OSBPL1A: variants seen among roughly 807,000 people sequenced by gnomAD.
OSBPL1A encodes oxysterol-binding protein-related protein 1.
In OSBPL1A, 80 loss-of-function variants were observed where a neutral mutation model predicts 137.1. The observed-to-expected ratio is 0.58, with a 90% CI of 0.49 to 0.70. The LOEUF is 0.70. Among genes scored for constraint, OSBPL1A ranks in the 30% least tolerant of loss-of-function variants. OSBPL1A has a pLI of 0.00. For missense variants in OSBPL1A, 970 were observed against 1,129.4 expected, an observed-to-expected ratio of 0.86 and a Z score of 2.02; for synonymous variants, 365 against 389.7, an observed-to-expected ratio of 0.94 and a Z score of 0.75.
chr18:24,267,524 G>T (rs2089608158), intron 15 of OSBPL1A, among the ~76,000 whole-genome samples: 1 of 151,934 alleles, frequency 6.6e-6, no homozygotes, highest in Admixed American at 6.6e-5. Context: ...TACTAAAATA[G>T]ATACTAAAAT....
intron 7 of OSBPL1A, among the ~76,000 whole-genome samples, chr18:24,319,999 ATTT>A (rs1435411096): frequency 9.9e-5 from 15 of 151,560 alleles, no homozygotes; most frequent in South Asian, 2.1e-4. Flanking sequence ...AAAAAAAAAA[ATTT>A]AATTAGCCAG....
chr18:24,184,975 A>G lies in OSBPL1A; in HGVS notation c.1678-3696T>C, dbSNP rs528088282. ...AAATGCTGAGTAAAAAAAATTGGTT[A>G]CTTTTGGAATATTATTCAGTGCTAA... On this transcript the variant is annotated intron_variant, in intron 18 of 27. Transcript: ENST00000319481. Among the ~76,000 whole-genome samples, 698 of 152,316 alleles carry G rather than the reference A, an allele frequency of 4.6e-3. 8 individuals are homozygous for G. The highest frequency in any genetic ancestry group is 0.016 in the African/African-American group (677 of 41,568).
chr18:24,272,246 TTC>T (rs2089742739), intron 15 of OSBPL1A: 17 of 982,334 alleles, frequency 1.7e-5, no homozygotes, highest in African/African-American at 3.5e-5. Flanking sequence ...CTTTTTTTTT[TTC>T]TTTTTTCTTT....
At chr18:24,196,952 G>A (rs1164483390) in intron 17 of OSBPL1A, among the ~76,000 whole-genome samples, 2 of 152,206 alleles carry the variant, frequency 1.3e-5, no homozygotes, top group African/African-American at 4.8e-5. Flanking sequence ...TGGTGGGCAG[G>A]GAGCCACCCC....
At chr18:24,211,620 C>T (rs532450971) in intron 17 of OSBPL1A, among the ~76,000 whole-genome samples, 1 of 151,836 alleles carries the variant, frequency 6.6e-6, no homozygotes, top group East Asian at 1.9e-4. Context: ...AAGGACTTTC[C>T]TTTTTCCCAG....
At chr18:24,392,530 A>C (rs754617285) in intron 1 of OSBPL1A, among the ~76,000 whole-genome samples, 1 of 152,234 alleles carries the variant, frequency 6.6e-6, no homozygotes, top group Non-Finnish European at 1.5e-5. Context: ...TAGTTTTTAA[A>C]TTCTCAGATA....
At chr18:24,226,349 G>C (rs2088076501) in intron 16 of OSBPL1A, among the ~76,000 whole-genome samples, 2 of 152,118 alleles carry the variant, frequency 1.3e-5, no homozygotes, top group African/African-American at 4.8e-5. Context: ...CTTGTTTAAT[G>C]TTTTATGTAT....
intron 14 of OSBPL1A, among the ~76,000 whole-genome samples, chr18:24,284,406 AT>A (rs2090028528): frequency 6.6e-6 from 1 of 152,090 alleles, no homozygotes; most frequent in African/African-American, 2.4e-5. Context: ...GAAAAAAGTT[AT>A]TTTTCGTACT....
At chr18:24,209,852 G>T (rs962779645) in intron 17 of OSBPL1A, among the ~76,000 whole-genome samples, 1 of 152,184 alleles carries the variant, frequency 6.6e-6, no homozygotes, top group Non-Finnish European at 1.5e-5. Context: ...CAGAGCAGTG[G>T]CTGTCTACGG....
At chr18:24,185,340 T>C (rs971231101) in intron 18 of OSBPL1A, among the ~76,000 whole-genome samples, 8 of 125,248 alleles carry the variant, frequency 6.4e-5, no homozygotes, top group African/African-American at 3.7e-4. Context: ...TTTTTTTTTT[T>C]TTTTTGAGAC....
At chr18:24,377,857 G>A (rs1333923862) in intron 1 of OSBPL1A, among the ~76,000 whole-genome samples, 1 of 152,146 alleles carries the variant, frequency 6.6e-6, no homozygotes, top group Admixed American at 6.5e-5. Context: ...CAAATACATA[G>A]TATTATGCAA....
chr18:24,371,907 A>T (rs2146199286), intron 2 of OSBPL1A, among the ~76,000 whole-genome samples: 1 of 152,128 alleles, frequency 6.6e-6, no homozygotes, highest in South Asian at 2.1e-4. Flanking sequence ...GGGTCCTCTC[A>T]TTTCTCTGGC....
chr18:24,397,568 C>G (rs1168855046), intron 1 of OSBPL1A, 87 bp downstream of exon 1: 1 of 152,294 alleles, frequency 6.6e-6, no homozygotes, highest in Non-Finnish European at 1.5e-5. Context: ...CAGGCGCGGA[C>G]AGACCTCCCG....
chr18:24,171,537 G>T, intron 22 of OSBPL1A, 39 bp from the exon 23 acceptor site: 1 of 1,476,508 alleles, frequency 6.8e-7, no homozygotes, highest in Non-Finnish European at 9.4e-7. Flanking sequence ...TCATTTATTA[G>T]CAAAGCAGCA....
At chr18:24,196,962 C>A (rs867729423) in intron 17 of OSBPL1A, among the ~76,000 whole-genome samples, 2 of 152,206 alleles carry the variant, frequency 1.3e-5, no homozygotes, top group African/African-American at 4.8e-5. Context: ...GGAGCCACCC[C>A]ATTTCCACAG....
chr18:24,273,218 T>G (rs1312458633), intron 15 of OSBPL1A, among the ~76,000 whole-genome samples: 3 of 152,274 alleles, frequency 2.0e-5, no homozygotes, highest in Admixed American at 2.0e-4. Context: ...TCATGGCATC[T>G]TTGAAAAGTC....
At chr18:24,329,753 T>C (rs1347578098) in intron 7 of OSBPL1A, among the ~76,000 whole-genome samples, 1 of 152,134 alleles carries the variant, frequency 6.6e-6, no homozygotes, top group Non-Finnish European at 1.5e-5. Context: ...ATAGTTAATA[T>C]TCACCTTTGC....
At chr18:24,383,969 G>A (rs966552286) in intron 1 of OSBPL1A, among the ~76,000 whole-genome samples, 16 of 152,116 alleles carry the variant, frequency 1.1e-4, no homozygotes, top group East Asian at 5.8e-4. Context: ...ACATGCAAAC[G>A]ACAACCACAA....
chr18:24,163,719 G>A (rs182507691), intron 27 of OSBPL1A, among the ~76,000 whole-genome samples: 19 of 151,674 alleles, frequency 1.3e-4, no homozygotes, highest in African/African-American at 4.4e-4. Flanking sequence ...CAGTGTAAAT[G>A]CCCTTCAAAC....
Sources: allele counts gnomAD v4.1 joint callset (sites outside exome capture counted in the v4.1 genomes callset), GRCh38; gene constraint gnomAD v4.1.1; transcripts MANE v1.5; gene names NCBI Gene and HGNC (gene_info 2026-07-23, HGNC 2026-07-21).